Variants in ADGRL2 observed in about 807,000 individuals in gnomAD.
ADGRL2 encodes the protein adhesion G protein-coupled receptor L2.
In ADGRL2, 44 loss-of-function variants were observed where a neutral mutation model predicts 157.4. The observed-to-expected ratio is 0.28, with a 90% CI of 0.22 to 0.36. The LOEUF is 0.36. ADGRL2 is among the 10% of genes least tolerant of loss of function. The pLI is 1.00. For synonymous variants in ADGRL2, 585 were observed against 624.7 expected (o/e 0.94, Z 0.95); for missense variants, 1,510 against 1,768.9 (o/e 0.85, Z 2.63).
At chr1:81,639,633 G>A (rs1432843515) in intron 3 of ADGRL2, among the ~76,000 whole-genome samples, 1 of 150,378 alleles carries the variant, frequency 6.6e-6, no homozygotes, top group Non-Finnish European at 1.5e-5. Flanking sequence ...CTCAGACAGA[G>A]CAGACTTCAG....
In ADGRL2 at chr1:81,451,561, T is replaced by G. The variant is rs564715189; in HGVS notation, c.-248+6472T>G. Among the ~76,000 whole-genome samples, 13 of 152,308 alleles carry G rather than the reference T, an allele frequency of 8.5e-5. No homozygotes were observed. In the South Asian group the frequency reaches 2.7e-3, roughly 32 times the overall value. On this transcript the variant is annotated intron_variant, in intron 2 of 24. Coordinates refer to the ADGRL2 transcript ENST00000370721. ...AAACTCTCCCTGCCTTAATACATTT[T>G]TATCCTGCTTTCTTTTCTCTAAAAT...
intron 1 of ADGRL2, among the ~76,000 whole-genome samples, chr1:81,740,107 T>C (rs2085025984): frequency 6.6e-6 from 1 of 152,210 alleles, no homozygotes; most frequent in South Asian, 2.1e-4. Context: ...ACTCACTTGT[T>C]AGCCCACATC....
At position 81,519,407 on chromosome 1, in the gene ADGRL2, C is replaced by T. The variant is rs142390499; in HGVS notation, c.-247-61469C>T. Among the ~76,000 whole-genome samples the T allele has an allele frequency of 3.8e-3, 578 of 151,914 alleles. 5 individuals carry two copies. Among genetic ancestry groups the T allele is most frequent in the African/African-American group, 0.013 (542 of 41,426 alleles). ...ATTTATTCCATTACTATTGAATGAC[C>T]CAGTAATTATACTTCTAGGAATATA... On this transcript the variant is annotated intron_variant, in intron 2 of 24. Coordinates refer to the ADGRL2 transcript ENST00000370721.
chr1:81,401,558 T>C (rs752573221), intron 1 of ADGRL2, among the ~76,000 whole-genome samples: 1 of 152,192 alleles, frequency 6.6e-6, no homozygotes, highest in Non-Finnish European at 1.5e-5. Context: ...TGTATTAAAA[T>C]ATAGTTTATT....
chr1:81,368,834 A>G (rs2076111836), intron 1 of ADGRL2, among the ~76,000 whole-genome samples: 1 of 152,112 alleles, frequency 6.6e-6, no homozygotes. Flanking sequence ...TGAGGCATGA[A>G]TGTGTTCACT....
intron 2 of ADGRL2, among the ~76,000 whole-genome samples, chr1:81,493,005 T>A (rs960242241): frequency 6.6e-6 from 1 of 152,258 alleles, no homozygotes; most frequent in African/African-American, 2.4e-5. Flanking sequence ...AGCAAATACA[T>A]AAAACTATAG....
intron 2 of ADGRL2, among the ~76,000 whole-genome samples, chr1:81,575,569 C>T (rs904130274): frequency 7.2e-5 from 11 of 152,056 alleles, no homozygotes; most frequent in South Asian, 2.1e-4. Flanking sequence ...TGAATTTAAA[C>T]GGGAAGCATA....
chr1:81,516,111 C>T (rs960647289), intron 2 of ADGRL2, among the ~76,000 whole-genome samples: 2 of 152,118 alleles, frequency 1.3e-5, no homozygotes, highest in African/African-American at 4.8e-5. Flanking sequence ...AAGATCTTTC[C>T]TTCAAATCTT....
intron 2 of ADGRL2, among the ~76,000 whole-genome samples, chr1:81,552,203 G>A (rs1570472359): frequency 6.7e-6 from 1 of 149,778 alleles, no homozygotes; most frequent in East Asian, 1.9e-4. Context: ...AGAGTCTATT[G>A]AGAGTCTCAG....
chr1:81,906,117 A>G (rs528043779), intron 2 of ADGRL2, among the ~76,000 whole-genome samples: 1 of 152,244 alleles, frequency 6.6e-6, no homozygotes, highest in South Asian at 2.1e-4. Context: ...ACCTCTCCAC[A>G]TGCTACAGTA....
chr1:81,533,946 C>T (rs889286998), intron 2 of ADGRL2, among the ~76,000 whole-genome samples: 2 of 152,016 alleles, frequency 1.3e-5, no homozygotes, highest in Non-Finnish European at 2.9e-5. Flanking sequence ...AAGGAAAGCA[C>T]CTGGGCTACG....
chr1:81,335,410 T>G (rs1661563691), intron 1 of ADGRL2, among the ~76,000 whole-genome samples: 1 of 152,194 alleles, frequency 6.6e-6, no homozygotes, highest in Admixed American at 6.5e-5. Context: ...TCCAATGTAC[T>G]ACACTATTTT....
chr1:81,562,538 T>C (rs1403885428), intron 2 of ADGRL2, among the ~76,000 whole-genome samples: 1 of 152,284 alleles, frequency 6.6e-6, no homozygotes, highest in East Asian at 1.9e-4. Context: ...TGTTTCTACT[T>C]AGCCTAAAAT....
intron 2 of ADGRL2, among the ~76,000 whole-genome samples, chr1:81,794,459 A>T (rs1250595184): frequency 1.3e-5 from 2 of 152,208 alleles, no homozygotes; most frequent in Non-Finnish European, 2.9e-5. Context: ...TATCCAGGTG[A>T]TGGTTTAGCA....
At chr1:81,606,497 GCA>G (rs59187962) in intron 3 of ADGRL2, among the ~76,000 whole-genome samples, 19,889 of 149,278 alleles carry the variant, frequency 0.13, 1,652 homozygotes, top group Non-Finnish European at 0.18. Flanking sequence ...TCATGCACAT[GCA>G]CACACACACA....
chr1:81,962,583 C>G (rs1198522069), intron 11 of ADGRL2, among the ~76,000 whole-genome samples: 1 of 152,046 alleles, frequency 6.6e-6, no homozygotes, highest in Admixed American at 6.5e-5. Flanking sequence ...AAAATTTTCT[C>G]TACATTGAGT....
At chr1:81,372,396 TG>T (rs1487001199) in intron 1 of ADGRL2, among the ~76,000 whole-genome samples, 1 of 152,174 alleles carries the variant, frequency 6.6e-6, no homozygotes, top group Non-Finnish European at 1.5e-5. Context: ...AGGGCCGAGA[TG>T]GCAAACACAA....
At chr1:81,432,489 T>C (rs1257835567) in intron 1 of ADGRL2, among the ~76,000 whole-genome samples, 1 of 152,246 alleles carries the variant, frequency 6.6e-6, no homozygotes, top group Admixed American at 6.5e-5. Flanking sequence ...TATGCAACAC[T>C]TGAACTTTTA....
chr1:81,886,704 C>A (rs2094136343), intron 2 of ADGRL2, among the ~76,000 whole-genome samples: 1 of 152,016 alleles, frequency 6.6e-6, no homozygotes, highest in Admixed American at 6.6e-5. Context: ...GGCTTTTCAA[C>A]CTATGATTTT....
Sources: gnomAD v4.1 joint callset for allele counts (sites outside exome capture counted in the v4.1 genomes callset) on GRCh38, gnomAD v4.1.1 for gene constraint, MANE v1.5 for transcripts, NCBI Gene and HGNC (gene_info 2026-07-23, HGNC 2026-07-21) for gene names.